The following PAIP2 variants were observed in gnomAD, a reference collection of about 807,000 sequenced individuals.
The protein encoded by PAIP2 is poly(A) binding protein interacting protein 2.
In PAIP2, 7 loss-of-function variants were observed where a neutral mutation model predicts 14.8. That is an observed-to-expected ratio of 0.47 (90% confidence interval 0.27 to 0.89). The LOEUF (loss-of-function observed/expected upper bound fraction) is 0.89. PAIP2 is among the 40% of genes least tolerant of loss of function. The pLI is 0.13. For missense variants in PAIP2, 122 were observed against 154.7 expected (o/e 0.79, Z 1.12); for synonymous variants, 47 against 45.3 (o/e 1.04, Z -0.15).
At chr5:139,355,599 C>T (rs1756884755) in intron 1 of PAIP2, among the ~76,000 whole-genome samples, 1 of 152,132 alleles carries the variant, frequency 6.6e-6, no homozygotes, top group African/African-American at 2.4e-5. Flanking sequence ...TTTGGCCAGG[C>T]ACAGTGGCAC....
intron 1 of PAIP2, among the ~76,000 whole-genome samples, chr5:139,349,980 G>A (rs1266293119): frequency 3.3e-5 from 5 of 150,502 alleles, no homozygotes; most frequent in African/African-American, 9.8e-5. Context: ...CCAGCCTGGC[G>A]ACAGAGTGAG....
At chr5:139,366,501 A>G (rs1757257122) in intron 3 of PAIP2, among the ~76,000 whole-genome samples, 1 of 152,200 alleles carries the variant, frequency 6.6e-6, no homozygotes, top group African/African-American at 2.4e-5. Context: ...ATTGTGGTAT[A>G]TAGCCTTTGT....
At chr5:139,355,515 A>G (rs760757238) in intron 1 of PAIP2, among the ~76,000 whole-genome samples, 2 of 152,008 alleles carry the variant, frequency 1.3e-5, no homozygotes, top group Non-Finnish European at 2.9e-5. Context: ...ACATCATTCT[A>G]TGGTTCCTTT....
In PAIP2 at chr5:139,368,745, C is replaced by T. The variant is rs1028781903; in HGVS notation, c.331C>T (p.Leu111=). Residue 111 remains leucine (L), a synonymous_variant, in exon 4 of 4, where the codon CTG becomes TTG. Coordinates refer to ENST00000265192, the MANE Select transcript of PAIP2 (RefSeq NM_016480.5). ...ACTTATTTTCCAGGTCAAGAGCAAT[C>T]TGAATCCAAATGCAAAGGAGTTTGT... ...SLEDLVVKSN[L]NPNAKEFVPG... is the part of the protein sequence containing the mutation. 6.2e-7 allele frequency: 1 copy of T among 1,612,706 alleles called. No homozygotes were observed. The highest frequency in any genetic ancestry group is 8.5e-7 in the Non-Finnish European group (1 of 1,179,168).
At chr5:139,352,625 C>T (rs1756780886) in intron 1 of PAIP2, among the ~76,000 whole-genome samples, 1 of 151,260 alleles carries the variant, frequency 6.6e-6, no homozygotes, top group South Asian at 2.1e-4. Flanking sequence ...GCATGTGCCA[C>T]CACGCCCGGC....
chr5:139,345,869 C>T (rs1000185574), intron 1 of PAIP2, among the ~76,000 whole-genome samples: 14 of 151,946 alleles, frequency 9.2e-5, no homozygotes, highest in South Asian at 2.1e-4. Flanking sequence ...CCTTGTGATC[C>T]GCCCACCTCG....
rs199951712 is a variant in PAIP2, at chr5:139,366,297, C to CTG, written c.318+1556_318+1557dup. Among the ~76,000 whole-genome samples the CTG allele has an allele frequency of 4.5e-3, 674 of 151,230 alleles. 27 individuals carry two copies. Among genetic ancestry groups the CTG allele is most frequent in the Admixed American group, 0.042 (632 of 15,156 alleles). On this transcript the variant is annotated intron_variant, in intron 3 of 3. Transcript: ENST00000265192. ...AACTGGCTGGGTCCACTGAACTAATCTGTACACCATGATTACCTATGAAGC... is the reference window on the plus strand; with the variant it reads ...AACTGGCTGGGTCCACTGAACTAATCTGTGTACACCATGATTACCTATGAAGC...
chr5:139,357,561 C>T (rs759366655), intron 1 of PAIP2, among the ~76,000 whole-genome samples: 4 of 152,042 alleles, frequency 2.6e-5, no homozygotes, highest in African/African-American at 7.2e-5. Flanking sequence ...AGCCAGGGGC[C>T]GTGGCTCACG....
intron 3 of PAIP2, 60 bp downstream of exon 3, chr5:139,364,803 C>A: frequency 9.1e-7 from 1 of 1,102,730 alleles, no homozygotes; most frequent in South Asian, 1.4e-5. Context: ...AGTGGAAAAG[C>A]CAGCTCCCAT....
At chr5:139,362,728 G>A (rs1227539846) in intron 1 of PAIP2, among the ~76,000 whole-genome samples, 1 of 151,046 alleles carries the variant, frequency 6.6e-6, no homozygotes, top group East Asian at 2.0e-4. Flanking sequence ...ATTTTTAGTA[G>A]AGACAGGGTT....
intron 1 of PAIP2, 125 bp from the exon 2 acceptor site, chr5:139,363,634 T>A: frequency 1.4e-6 from 1 of 725,110 alleles, no homozygotes; most frequent in South Asian, 2.1e-5. Context: ...AGGCAAGAGA[T>A]CGAGGCTGTG....
rs1020927486 is a variant in PAIP2 at position 139,369,625 on chromosome 5, G to A, written c.*827G>A. The A allele has an allele frequency of 6.6e-5, 10 of 152,558 alleles. No individual in the cohort carries two copies. Among genetic ancestry groups the A allele is most frequent in the South Asian group, 4.1e-4 (2 of 4,824 alleles). The allele number at this position is 152,558 out of a possible 1,614,324, so 9.5% of individuals were successfully genotyped here. A position where few individuals can be genotyped will look rare whatever the true frequency, so the allele number is the denominator to read the frequency against. On this transcript the variant is annotated 3_prime_UTR_variant, in exon 4 of 4. Coordinates refer to ENST00000265192, the MANE Select transcript of PAIP2 (RefSeq NM_016480.5). The stretch of plus-strand genomic sequence containing the variant: ...ATTTGGGTAGGTTAAGCTGCCATAC[G>A]TGTTCAGTGTGAATAGTGTTTAAGT...
At chr5:139,350,826 A>G (rs993916241) in intron 1 of PAIP2, among the ~76,000 whole-genome samples, 2 of 152,148 alleles carry the variant, frequency 1.3e-5, no homozygotes, top group Non-Finnish European at 2.9e-5. Context: ...GAAATACACA[A>G]TTACAGAATA....
At chr5:139,357,489 C>T (rs1333617150) in intron 1 of PAIP2, among the ~76,000 whole-genome samples, 4 of 152,144 alleles carry the variant, frequency 2.6e-5, no homozygotes, top group Non-Finnish European at 5.9e-5. Context: ...AACTCTTGAG[C>T]CAGTCCTTCA....
intron 1 of PAIP2, among the ~76,000 whole-genome samples, chr5:139,355,004 G>C (rs1307265933): frequency 2.0e-5 from 3 of 151,820 alleles, no homozygotes; most frequent in Non-Finnish European, 2.9e-5. Context: ...ACTTTTAGTA[G>C]AGACAGGGTT....
chr5:139,354,658 C>A, intron 1 of PAIP2, among the ~76,000 whole-genome samples: 1 of 152,068 alleles, frequency 6.6e-6, no homozygotes, highest in African/African-American at 2.4e-5. Flanking sequence ...CAGTTGATGT[C>A]TCCTGGGTCT....
intron 1 of PAIP2, among the ~76,000 whole-genome samples, chr5:139,352,502 G>GTT (rs536704901): frequency 5.3e-5 from 4 of 76,180 alleles, no homozygotes; most frequent in Non-Finnish European, 1.0e-4. Flanking sequence ...TTTTTTTGTT[G>GTT]TTTTTTTTTT....
chr5:139,359,576 G>T (rs1311963750), intron 1 of PAIP2, among the ~76,000 whole-genome samples: 1 of 152,158 alleles, frequency 6.6e-6, no homozygotes, highest in Non-Finnish European at 1.5e-5. Context: ...GTTCCATCCA[G>T]TTGTGAGGCA....
At chr5:139,343,048 C>G (rs1221564212) in intron 1 of PAIP2, 1 of 152,110 alleles carries the variant, frequency 6.6e-6, no homozygotes, top group African/African-American at 2.4e-5. Flanking sequence ...ACAGTTAGAT[C>G]AGGTGTTGGT....
Sources: gnomAD v4.1 joint callset for allele counts (sites outside exome capture counted in the v4.1 genomes callset) on GRCh38, gnomAD v4.1.1 for gene constraint, MANE v1.5 for transcripts, NCBI Gene and HGNC (gene_info 2026-07-23, HGNC 2026-07-21) for gene names.